Variants in ADAMTS19 observed in about 807,000 individuals in gnomAD.
ADAMTS19 encodes the protein ADAM metallopeptidase with thrombospondin type 1 motif 19.
ADAMTS19 carries 93 observed loss-of-function variants against 153.3 expected under a neutral mutation model. The observed-to-expected ratio is 0.61, with a 90% CI of 0.51 to 0.72. ADAMTS19 has a LOEUF of 0.72. Among genes scored for constraint, ADAMTS19 ranks in the 30% least tolerant of loss-of-function variants. ADAMTS19 has a pLI of 0.00. For synonymous variants in ADAMTS19, 600 were observed against 556.6 expected (o/e 1.08, Z -1.10); for missense variants, 1,482 against 1,552.1 (o/e 0.95, Z 0.76).
intron 11 of ADAMTS19, among the ~76,000 whole-genome samples, chr5:129,644,394 C>A (rs949382789): frequency 6.6e-6 from 1 of 152,176 alleles, no homozygotes; most frequent in Non-Finnish European, 1.5e-5. Context: ...AAGCTCAATA[C>A]ATTGCTAACC....
chr5:129,535,360 T>C (rs942063842), intron 6 of ADAMTS19, among the ~76,000 whole-genome samples: 2 of 152,114 alleles, frequency 1.3e-5, no homozygotes, highest in Non-Finnish European at 2.9e-5. Context: ...ACAAGGGGTG[T>C]GAAGGACCTC....
chr5:129,546,634 C>T (rs1752871058), intron 6 of ADAMTS19, among the ~76,000 whole-genome samples: 1 of 150,780 alleles, frequency 6.6e-6, no homozygotes, highest in South Asian at 2.1e-4. Context: ...AACTCAGTTA[C>T]TATTCAGTTA....
chr5:129,669,652 G>A (rs1194154657), intron 16 of ADAMTS19, among the ~76,000 whole-genome samples: 5 of 151,762 alleles, frequency 3.3e-5, no homozygotes, highest in African/African-American at 1.2e-4. Flanking sequence ...CTACTAGTTT[G>A]GGATTCAGTT....
chr5:129,517,337 T>A (rs561854003), intron 3 of ADAMTS19, among the ~76,000 whole-genome samples: 5 of 152,042 alleles, frequency 3.3e-5, no homozygotes, highest in Non-Finnish European at 4.4e-5. Flanking sequence ...TATTTCTTGG[T>A]TGATTTTCTG....
intron 7 of ADAMTS19, among the ~76,000 whole-genome samples, chr5:129,583,811 C>T (rs745411867): frequency 6.6e-6 from 1 of 151,948 alleles, no homozygotes. Flanking sequence ...AGCAATTCCG[C>T]TAACCATTTC....
intron 21 of ADAMTS19, among the ~76,000 whole-genome samples, chr5:129,726,273 T>C (rs1002286182): frequency 5.3e-5 from 8 of 152,158 alleles, no homozygotes; most frequent in African/African-American, 1.9e-4. Context: ...GGGAACAGAA[T>C]ATCTATCAGA....
In ADAMTS19 at chr5:129,718,377, C is replaced by T. The variant is rs183351940; in HGVS notation, c.3312+13986C>T. ...AAATAATGAATTAATTAAACACATA[C>T]ACACACATACACAAAAAAACACCCT... On this transcript the variant is annotated intron_variant, in intron 21 of 22. Coordinates refer to ENST00000274487, the MANE Select transcript of ADAMTS19 (RefSeq NM_133638.6). Among the ~76,000 whole-genome samples the T allele has an allele frequency of 1.5e-3, 230 of 152,078 alleles. 1 individual carries two copies. Among genetic ancestry groups the T allele is most frequent in the Admixed American group, 3.0e-3 (46 of 15,282 alleles).
intron 8 of ADAMTS19, among the ~76,000 whole-genome samples, chr5:129,597,762 C>T (rs2126922503): frequency 6.6e-6 from 1 of 151,908 alleles, no homozygotes; most frequent in East Asian, 1.9e-4. Context: ...ATTAGTTAGG[C>T]ATGGTGGTAC....
chr5:129,536,632 A>G (rs2126788147), intron 6 of ADAMTS19, among the ~76,000 whole-genome samples: 1 of 152,348 alleles, frequency 6.6e-6, no homozygotes, highest in African/African-American at 2.4e-5. Flanking sequence ...CTGCGGCACT[A>G]TTCACAATAG....
intron 7 of ADAMTS19, among the ~76,000 whole-genome samples, chr5:129,590,626 G>A (rs1186101407): frequency 1.3e-5 from 2 of 151,892 alleles, no homozygotes; most frequent in African/African-American, 2.4e-5. Flanking sequence ...AATTAACTGC[G>A]CTGACACCAA....
At chr5:129,572,430 A>G (rs915649302) in intron 7 of ADAMTS19, among the ~76,000 whole-genome samples, 2 of 151,912 alleles carry the variant, frequency 1.3e-5, no homozygotes, top group Admixed American at 6.6e-5. Context: ...CATTTACTTC[A>G]AAAAAACGAA....
intron 16 of ADAMTS19, among the ~76,000 whole-genome samples, chr5:129,667,758 A>G (rs1754120025): frequency 6.6e-6 from 1 of 151,972 alleles, no homozygotes; most frequent in Non-Finnish European, 1.5e-5. Context: ...AATTAAATCT[A>G]TTTTCTTTAT....
intron 7 of ADAMTS19, among the ~76,000 whole-genome samples, chr5:129,593,274 T>A (rs1750229401): frequency 6.6e-6 from 1 of 152,170 alleles, no homozygotes; most frequent in African/African-American, 2.4e-5. Context: ...TTCTTATGGA[T>A]GTTGGCCACC....
At position 129,601,096 on chromosome 5, in the gene ADAMTS19, C is replaced by T. The variant is rs569749753; in HGVS notation, c.1478+4432C>T. Among the ~76,000 whole-genome samples the T allele has an allele frequency of 1.3e-3, 196 of 152,272 alleles. 3 individuals are homozygous for T. Among genetic ancestry groups the T allele is most frequent in the South Asian group, 5.2e-3 (25 of 4,818 alleles). ...GTATGTTGGTCAGGCTGGTCTCGAA[C>T]TCCTGACCTCGTGATCCGCCCGCCT... On this transcript the variant is annotated intron_variant, in intron 8 of 22. Coordinates refer to ENST00000274487, the MANE Select transcript of ADAMTS19 (RefSeq NM_133638.6).
At chr5:129,529,771 G>C (rs1040560419) in intron 6 of ADAMTS19, among the ~76,000 whole-genome samples, 1 of 152,126 alleles carries the variant, frequency 6.6e-6, no homozygotes, top group Non-Finnish European at 1.5e-5. Flanking sequence ...CTGACTGTAC[G>C]TGAGAACTTG....
intron 12 of ADAMTS19, 74 bp downstream of exon 12, chr5:129,647,969 G>C (rs1753143104): frequency 6.7e-7 from 1 of 1,492,128 alleles, no homozygotes; most frequent in Non-Finnish European, 9.1e-7. Flanking sequence ...GATAAAGCAT[G>C]TTGGAAAGCA....
chr5:129,488,226 ATAAT>A, intron 2 of ADAMTS19, among the ~76,000 whole-genome samples: 1 of 152,250 alleles, frequency 6.6e-6, no homozygotes, highest in South Asian at 2.1e-4. Flanking sequence ...GTACTTGTAA[ATAAT>A]GTACTTTCTA....
chr5:129,555,835 G>A (rs1753293378), intron 7 of ADAMTS19, among the ~76,000 whole-genome samples: 1 of 152,158 alleles, frequency 6.6e-6, no homozygotes, highest in Non-Finnish European at 1.5e-5. Flanking sequence ...AAAACTGAAT[G>A]TGAGAACACT....
At chr5:129,490,516 G>T (rs1334479406) in intron 2 of ADAMTS19, among the ~76,000 whole-genome samples, 1 of 152,096 alleles carries the variant, frequency 6.6e-6, no homozygotes, top group African/African-American at 2.4e-5. Context: ...GTGATAAAAG[G>T]CAACTAAAGC....
Sources: allele counts gnomAD v4.1 joint callset (sites outside exome capture counted in the v4.1 genomes callset), GRCh38; gene constraint gnomAD v4.1.1; transcripts MANE v1.5; gene names NCBI Gene and HGNC (gene_info 2026-07-23, HGNC 2026-07-21).